FAM124B: variants seen among roughly 807,000 people sequenced by gnomAD.
The protein encoded by FAM124B is protein FAM124B.
Under a neutral mutation model 19.7 loss-of-function variants are expected in FAM124B, and 18 were observed. The ratio of observed to expected loss-of-function variants is 0.92; its 90% confidence interval spans 0.63 to 1.36. The LOEUF (loss-of-function observed/expected upper bound fraction) is 1.36. Among genes scored for constraint, FAM124B ranks in the 40% most tolerant of loss-of-function variants. The pLI, the probability that FAM124B is intolerant of heterozygous loss-of-function variation, is 0.00. For synonymous variants in FAM124B, 223 were observed against 225.2 expected (o/e 0.99, Z 0.09); for missense variants, 540 against 553.3 (o/e 0.98, Z 0.24).
At chr2:224,384,758 C>G (rs892069421) in intron 1 of FAM124B, among the ~76,000 whole-genome samples, 1 of 152,176 alleles carries the variant, frequency 6.6e-6, no homozygotes, top group East Asian at 1.9e-4. Context: ...ACTGCTACCG[C>G]GAAACTTACC....
chr2:224,390,701 TTTGTTTGTTTG>T (rs1689867747), intron 1 of FAM124B, among the ~76,000 whole-genome samples: 1 of 89,080 alleles, frequency 1.1e-5, no homozygotes, highest in African/African-American at 4.9e-5. Flanking sequence ...AACTTTTTTT[TTTGTTTGTTTG>T]TTTTTTAAGA....
At chr2:224,385,578 A>C (rs1466097945) in intron 1 of FAM124B, among the ~76,000 whole-genome samples, 1 of 152,166 alleles carries the variant, frequency 6.6e-6, no homozygotes, top group African/African-American at 2.4e-5. Context: ...TCTGTCCCTT[A>C]AGCTTCATCT....
intron 1 of FAM124B, among the ~76,000 whole-genome samples, chr2:224,391,105 G>T (rs1689879824): frequency 6.6e-6 from 1 of 150,698 alleles, no homozygotes; most frequent in Admixed American, 6.6e-5. Flanking sequence ...CACTTTGGGA[G>T]GCCAAAGTGG....
intron 1 of FAM124B, among the ~76,000 whole-genome samples, chr2:224,390,050 T>C (rs1339626257): frequency 2.6e-5 from 4 of 150,964 alleles, no homozygotes; most frequent in African/African-American, 9.8e-5. Context: ...CCAAAATATG[T>C]CAACAGTGCC....
In FAM124B at chr2:224,379,464, C is replaced by T; in HGVS notation, c.*109G>A. 1 of 1,338,292 alleles carries T rather than the reference C, an allele frequency of 7.5e-7. No individual in the cohort carries two copies. Among genetic ancestry groups the T allele is most frequent in the Non-Finnish European group, 9.9e-7 (1 of 1,006,508 alleles). 82.9% of individuals were successfully genotyped at this position (1,338,292 alleles called of 1,614,324 possible). A position where few individuals can be genotyped will look rare whatever the true frequency, so the allele number is the denominator to read the frequency against. ...ATCAATACAGATTGTGCATGGGGAG[C>T]ATTCAGCCCCCCTCAGATGAACAAC... On this transcript the variant is annotated 3_prime_UTR_variant, in exon 2 of 2. Coordinates refer to ENST00000409685, the MANE Select transcript of FAM124B (RefSeq NM_001122779.2).
At position 224,380,333 on chromosome 2, in the gene FAM124B, G is replaced by A. The variant is rs1255228779; in HGVS notation, c.733-125C>T. The A allele has an allele frequency of 9.9e-6, 8 of 807,152 alleles. No individual in the cohort carries two copies. The East Asian group carries it at 2.2e-4, about 22-fold the overall frequency. The allele number at this position is 807,152 out of a possible 1,614,324, so 50.0% of individuals were successfully genotyped here. On this transcript the variant is annotated intron_variant, in intron 1 of 1. Coordinates refer to ENST00000409685, the MANE Select transcript of FAM124B (RefSeq NM_001122779.2). ...TAGCAGACTTTCAGTAAATTTGGTT[G>A]AATTGAATAGAAGTGATAAGTACAA...
intron 1 of FAM124B, 41 bp downstream of exon 1, chr2:224,400,996 C>G (rs1358031405): frequency 6.5e-7 from 1 of 1,544,038 alleles, no homozygotes; most frequent in African/African-American, 1.4e-5. Flanking sequence ...AATTACACAG[C>G]TCCATGAGCC....
chr2:224,386,131 T>G (rs913719585), intron 1 of FAM124B, among the ~76,000 whole-genome samples: 1 of 152,244 alleles, frequency 6.6e-6, no homozygotes, highest in South Asian at 2.1e-4. Flanking sequence ...TCTAAGCCCT[T>G]GGATGTGGCC....
intron 1 of FAM124B, among the ~76,000 whole-genome samples, chr2:224,386,855 C>T (rs368833632): frequency 4.0e-4 from 61 of 152,312 alleles, no homozygotes; most frequent in Non-Finnish European, 7.5e-4. Context: ...GAGAATGTAG[C>T]ACCTATAAAC....
At chr2:224,385,033 C>T (rs1689781298) in intron 1 of FAM124B, among the ~76,000 whole-genome samples, 1 of 152,140 alleles carries the variant, frequency 6.6e-6, no homozygotes, top group African/African-American at 2.4e-5. Flanking sequence ...TCTGTCCTCC[C>T]CTTCACTGTC....
intron 1 of FAM124B, among the ~76,000 whole-genome samples, chr2:224,389,824 C>A (rs533460963): frequency 2.0e-5 from 3 of 152,184 alleles, no homozygotes; most frequent in South Asian, 4.2e-4. Flanking sequence ...TATTTCGTAA[C>A]CTCAGTGGGG....
chr2:224,383,144 A>G (rs949866538), intron 1 of FAM124B, among the ~76,000 whole-genome samples: 2 of 152,168 alleles, frequency 1.3e-5, no homozygotes. Flanking sequence ...ATCATTAAAA[A>G]ACAATGATGC....
chr2:224,388,386 T>C (rs1054161418), intron 1 of FAM124B, among the ~76,000 whole-genome samples: 3 of 152,188 alleles, frequency 2.0e-5, no homozygotes, highest in African/African-American at 7.2e-5. Context: ...GGAATAGTAA[T>C]CAGCCATAAA....
At chr2:224,390,158 C>CAGAG (rs1553586689) in intron 1 of FAM124B, among the ~76,000 whole-genome samples, 1 of 145,286 alleles carries the variant, frequency 6.9e-6, no homozygotes, top group African/African-American at 2.6e-5. Flanking sequence ...CACACACACA[C>CAGAG]AGAAAAGGAA....
chr2:224,394,906 C>G (rs1471389633), intron 1 of FAM124B, among the ~76,000 whole-genome samples: 1 of 152,156 alleles, frequency 6.6e-6, no homozygotes, highest in Non-Finnish European at 1.5e-5. Context: ...GCAGGAGGGT[C>G]CAGCTCCTCA....
intron 1 of FAM124B, among the ~76,000 whole-genome samples, chr2:224,389,025 C>T (rs1689840935): frequency 6.6e-6 from 1 of 152,212 alleles, no homozygotes; most frequent in African/African-American, 2.4e-5. Flanking sequence ...CTCCACCTCC[C>T]AGGCTCAACC....
At chr2:224,384,921 TTCTC>T (rs909837592) in intron 1 of FAM124B, among the ~76,000 whole-genome samples, 1 of 151,938 alleles carries the variant, frequency 6.6e-6, no homozygotes, top group African/African-American at 2.4e-5. Flanking sequence ...CTCCTTCTCT[TTCTC>T]TCTCTCTGCC....
chr2:224,394,339 T>C (rs893953762), intron 1 of FAM124B, among the ~76,000 whole-genome samples: 7 of 152,118 alleles, frequency 4.6e-5, no homozygotes, highest in Non-Finnish European at 1.0e-4. Flanking sequence ...ATCTCTTCAT[T>C]TGAAAGACCT....
chr2:224,388,334 G>A (rs989745710), intron 1 of FAM124B, among the ~76,000 whole-genome samples: 51 of 152,178 alleles, frequency 3.4e-4, no homozygotes, highest in African/African-American at 1.0e-3. Flanking sequence ...CCTTGGATAA[G>A]GAATAGTTCA....
Sources: allele counts gnomAD v4.1 joint callset (sites outside exome capture counted in the v4.1 genomes callset), GRCh38; gene constraint gnomAD v4.1.1; transcripts MANE v1.5; gene names NCBI Gene and HGNC (gene_info 2026-07-23, HGNC 2026-07-21).